ELAVL3: variants seen among roughly 807,000 people sequenced by gnomAD.
ELAVL3 encodes ELAV like RNA binding protein 3, also known as ELAV-like protein 3.
ELAVL3 carries 8 observed loss-of-function variants against 34.2 expected under a neutral mutation model. The observed-to-expected ratio is 0.23, with a 90% confidence interval of 0.14 to 0.42. ELAVL3 has a LOEUF of 0.42. ELAVL3 is among the 10% of genes least tolerant of loss of function. ELAVL3 has a pLI of 1.00. For synonymous variants in ELAVL3, 209 were observed against 222.1 expected (o/e 0.94, Z 0.53); for missense variants, 273 against 518.8 (o/e 0.53, Z 4.60).
At position 11,466,789 on chromosome 19, in the gene ELAVL3, G is replaced by C. The variant is rs757043566; in HGVS notation, c.48C>G (p.Gly16=). Residue 16 remains glycine (G), a synonymous_variant, in exon 2 of 7, where the codon GGC becomes GGG. Transcript: ENST00000359227. This position sits in a 1 kb window ranked among gnomAD's most constrained non-coding sequence, Gnocchi z 5.0. The stretch of plus-strand genomic sequence containing the variant: ...CGTTGGGCAGGGCCGGGCCGGCCGG[G>C]CCCCCCCCCACCTGAGACTCCATGG... ...LGAMESQVGG[G]PAGPALPNGP... 71 of 1,601,962 alleles carry C rather than the reference G, an allele frequency of 4.4e-5. No individual in the cohort carries two copies. The highest frequency in any genetic ancestry group is 1.7e-4 in the Middle Eastern group (1 of 6,054).
chr19:11,467,118 C>T (rs942863649), intron 1 of ELAVL3, among the ~76,000 whole-genome samples: 2 of 152,146 alleles, frequency 1.3e-5, no homozygotes, highest in African/African-American at 2.4e-5. Context: ...ATAAAAAACG[C>T]TTTCACACCG....
chr19:11,467,935 G>C (rs1288304155), intron 1 of ELAVL3, among the ~76,000 whole-genome samples: 1 of 152,090 alleles, frequency 6.6e-6, no homozygotes, highest in African/African-American at 2.4e-5. Context: ...AACAATAGGC[G>C]CATGCCACCA....
At chr19:11,473,592 C>A (rs1194093377) in intron 1 of ELAVL3, among the ~76,000 whole-genome samples, 1 of 152,210 alleles carries the variant, frequency 6.6e-6, no homozygotes, top group Non-Finnish European at 1.5e-5. Context: ...ACTCTACATG[C>A]AAGTTTTCTG....
intron 3 of ELAVL3, among the ~76,000 whole-genome samples, chr19:11,462,788 G>A (rs993082768): frequency 3.3e-5 from 5 of 149,966 alleles, no homozygotes; most frequent in East Asian, 3.9e-4. Flanking sequence ...CTGAAACCCC[G>A]TCTCTACTAA....
chr19:11,455,299 ATTT>A (rs566267500), intron 6 of ELAVL3, among the ~76,000 whole-genome samples: 1 of 123,002 alleles, frequency 8.1e-6, no homozygotes, highest in African/African-American at 3.0e-5. Flanking sequence ...TGCCCCACTA[ATTT>A]TTTTTTTTTT....
rs1246620320 is a variant in ELAVL3 at position 11,458,366 on chromosome 19, C to G, written c.488-80G>C. On this transcript the variant is annotated intron_variant, in intron 4 of 6. Coordinates refer to ENST00000359227, the MANE Select transcript of ELAVL3 (RefSeq NM_001420.4). This position sits in a 1 kb window ranked among gnomAD's most constrained non-coding sequence, Gnocchi z 7.3. ...CCACTTCTCCCTTCCCTGCTTCATG[C>G]CCTGGCATCTTGGTCGGTTTCCCCA... The G allele has an allele frequency of 3.1e-6, 5 of 1,605,700 alleles. No individual in the cohort carries two copies. The highest frequency in any genetic ancestry group is 4.3e-6 in the Non-Finnish European group (5 of 1,175,390).
At chr19:11,455,871 T>C (rs1970757925) in intron 6 of ELAVL3, among the ~76,000 whole-genome samples, 1 of 152,180 alleles carries the variant, frequency 6.6e-6, no homozygotes, top group Non-Finnish European at 1.5e-5. Context: ...TTGGCTCCAC[T>C]CACATTCCTC....
chr19:11,471,117 C>A (rs1167827955), intron 1 of ELAVL3, among the ~76,000 whole-genome samples: 1 of 151,012 alleles, frequency 6.6e-6, no homozygotes, highest in African/African-American at 2.4e-5. Context: ...TGAGACCAGC[C>A]TGGCCAATAT....
At chr19:11,464,737 CACACACATACA>C in intron 3 of ELAVL3, among the ~76,000 whole-genome samples, 1 of 124,008 alleles carries the variant, frequency 8.1e-6, no homozygotes, top group African/African-American at 3.3e-5. Context: ...ACACACACAC[CACACACATACA>C]CCACACACAC....
chr19:11,480,472 C>CT lies in ELAVL3; in HGVS notation c.9+127dup. 1 of 1,172,268 alleles carries CT rather than the reference C, an allele frequency of 8.5e-7. No individual in the cohort carries two copies. Among genetic ancestry groups the CT allele is most frequent in the Non-Finnish European group, 1.1e-6 (1 of 889,768 alleles). 72.6% of individuals were successfully genotyped at this position (1,172,268 alleles called of 1,614,324 possible). ...CACTCTCAGGCCCCGAGGCTTGGTCCTACCCCCCCAACCCGGGCCTAGCTA... is the reference window on the plus strand; with the variant it reads ...CACTCTCAGGCCCCGAGGCTTGGTCCTTACCCCCCCAACCCGGGCCTAGCTA... On this transcript the variant is annotated intron_variant, in intron 1 of 6. Coordinates refer to ENST00000359227, the MANE Select transcript of ELAVL3 (RefSeq NM_001420.4). This position sits in a 1 kb window ranked among gnomAD's most constrained non-coding sequence, Gnocchi z 6.8.
chr19:11,465,298 A>T (rs1372403147), intron 3 of ELAVL3, among the ~76,000 whole-genome samples: 1 of 148,026 alleles, frequency 6.8e-6, no homozygotes, highest in Non-Finnish European at 1.5e-5. Flanking sequence ...CACACCACAC[A>T]CACACACACC....
Position 11,458,697 on chromosome 19 carries a change from G to A in ELAVL3, c.334-86C>T. The stretch of plus-strand genomic sequence containing the variant: ...GTGAGGCCATGTCTAAACCATCACG[G>A]AGTTAGCAGAAGTGACCCATCCGTC... On this transcript the variant is annotated intron_variant, in intron 3 of 6. Transcript: ENST00000359227. The surrounding 1 kb of genome is among the most constrained non-coding windows in gnomAD (Gnocchi z 7.3). 6.5e-7 allele frequency: 1 copy of A among 1,539,872 alleles called. No homozygotes were observed.
intron 1 of ELAVL3, among the ~76,000 whole-genome samples, chr19:11,471,544 C>T (rs1311253203): frequency 1.3e-5 from 2 of 151,376 alleles, no homozygotes; most frequent in South Asian, 2.1e-4. Flanking sequence ...ACCTGGGAGA[C>T]GGAGTTTGCA....
At position 11,453,864 on chromosome 19, in the gene ELAVL3, T is replaced by C. The variant is rs1268634163; in HGVS notation, c.*662A>G. 6.6e-6 allele frequency: 1 copy of C among 151,808 alleles called. No homozygotes were observed. The highest frequency in any genetic ancestry group is 2.4e-5 in the African/African-American group (1 of 41,280). 9.4% of individuals were successfully genotyped at this position (151,808 alleles called of 1,614,324 possible). On this transcript the variant is annotated 3_prime_UTR_variant, in exon 7 of 7. Coordinates refer to ENST00000359227, the MANE Select transcript of ELAVL3 (RefSeq NM_001420.4). ...TTTTTTTTGTCTTTTTTTGTGTTTTTTTTTTTCAAGTTCAAGAATCCCCAG... is the reference window on the plus strand; with the variant it reads ...TTTTTTTTGTCTTTTTTTGTGTTTTCTTTTTTCAAGTTCAAGAATCCCCAG...
At chr19:11,467,423 A>AAAAAT (rs1208234338) in intron 1 of ELAVL3, among the ~76,000 whole-genome samples, 2 of 152,042 alleles carry the variant, frequency 1.3e-5, no homozygotes, top group Non-Finnish European at 2.9e-5. Flanking sequence ...ATTCCATCTT[A>AAAAAT]AAAATAAAAT....
At chr19:11,462,686 G>A (rs1396656492) in intron 3 of ELAVL3, among the ~76,000 whole-genome samples, 2 of 151,624 alleles carry the variant, frequency 1.3e-5, no homozygotes, top group African/African-American at 2.4e-5. Flanking sequence ...TGCTGGGCAC[G>A]GTGGCTCACG....
Position 11,466,371 on chromosome 19 carries a change from TTTCCACC to T in ELAVL3, c.230-103_230-97del. 8.1e-7 allele frequency: 1 copy of T among 1,242,172 alleles called. No individual in the cohort carries two copies. The highest frequency in any genetic ancestry group is 1.2e-6 in the Non-Finnish European group (1 of 854,606). 76.9% of individuals were successfully genotyped at this position (1,242,172 alleles called of 1,614,324 possible). A position where few individuals can be genotyped will look rare whatever the true frequency, so the allele number is the denominator to read the frequency against. ...GAGAGACTGTCCCCTCCCCACCAAG[TTTCCACC>T]TTCCTGTTTCCAGATGACACCTTCG... On this transcript the variant is annotated intron_variant, in intron 2 of 6. Coordinates refer to ENST00000359227, the MANE Select transcript of ELAVL3 (RefSeq NM_001420.4). This position sits in a 1 kb window ranked among gnomAD's most constrained non-coding sequence, Gnocchi z 5.0.
chr19:11,476,858 C>T (rs947189433), intron 1 of ELAVL3, among the ~76,000 whole-genome samples: 1 of 151,906 alleles, frequency 6.6e-6, no homozygotes, highest in African/African-American at 2.4e-5. Flanking sequence ...GAGATTTCAC[C>T]ACTGCACTCT....
In ELAVL3 at chr19:11,458,375, C is replaced by T; in HGVS notation, c.487+83G>A. The T allele has an allele frequency of 6.2e-7, 1 of 1,606,444 alleles. No homozygotes were observed. The highest frequency in any genetic ancestry group is 8.5e-7 in the Non-Finnish European group (1 of 1,175,564). On this transcript the variant is annotated intron_variant, in intron 4 of 6. Transcript: ENST00000359227. This position sits in a 1 kb window ranked among gnomAD's most constrained non-coding sequence, Gnocchi z 7.3. ...CCTTCCCTGCTTCATGCCCTGGCATCTTGGTCGGTTTCCCCACGTTGGTCC... is the reference window on the plus strand; with the variant it reads ...CCTTCCCTGCTTCATGCCCTGGCATTTTGGTCGGTTTCCCCACGTTGGTCC...
Sources: gnomAD v4.1 joint callset for allele counts (sites outside exome capture counted in the v4.1 genomes callset) on GRCh38, gnomAD v4.1.1 for gene constraint, Gnocchi (gnomAD v3.1) non-coding constraint, MANE v1.5 for transcripts, NCBI Gene and HGNC (gene_info 2026-07-23, HGNC 2026-07-21) for gene names.